BMP2K: variants seen among roughly 807,000 people sequenced by gnomAD.
BMP2K encodes the protein BMP2 inducible kinase.
A neutral mutation model predicts 116.0 loss-of-function variants in BMP2K; 74 were observed. The observed-to-expected ratio is 0.64, with a 90% CI of 0.53 to 0.77. The LOEUF (loss-of-function observed/expected upper bound fraction) is 0.77. Ranked by LOEUF, BMP2K falls within the 30% of genes least tolerant of loss-of-function variation. The probability of loss-of-function intolerance (pLI) is 0.00; values close to 1 mark genes in which losing one functional copy is unlikely to be tolerated. For missense variants in BMP2K, 1,365 were observed against 1,403.6 expected, an observed-to-expected ratio of 0.97 and a Z score of 0.44; for synonymous variants, 486 against 502.5, an observed-to-expected ratio of 0.97 and a Z score of 0.44.
intron 15 of BMP2K, among the ~76,000 whole-genome samples, chr4:78,910,369 C>T (rs1734522302): frequency 2.6e-5 from 4 of 152,130 alleles, no homozygotes; most frequent in South Asian, 2.1e-4. Flanking sequence ...AGTGAGAGTA[C>T]GATGAGGCAG....
intron 6 of BMP2K, among the ~76,000 whole-genome samples, chr4:78,848,364 A>G (rs1731105148): frequency 6.6e-6 from 1 of 151,550 alleles, no homozygotes; most frequent in African/African-American, 2.4e-5. Flanking sequence ...GACTCATTGA[A>G]TGGCTTATAG....
Position 78,859,643 on chromosome 4 carries a change from G to A in BMP2K, c.943G>A (p.Ala315Thr). The change falls in exon 8 of 16, where the codon GCA becomes ACA. Residue 315 changes from alanine (A) to threonine (T), a missense_variant. Transcript: ENST00000502613. ...TGATATATTTCAAGTGTCATATTTTGCATTTAAATTTGCCAAAAAGGATTG... is the reference window on the plus strand; with the variant it reads ...TGATATATTTCAAGTGTCATATTTTACATTTAAATTTGCCAAAAAGGATTG... ...RPDIFQVSYF[A>T]FKFAKKDCPV... 1 of 1,610,758 alleles carries A rather than the reference G, an allele frequency of 6.2e-7. No individual in the cohort carries two copies. The highest frequency in any genetic ancestry group is 1.1e-5 in the South Asian group (1 of 90,872).
chr4:78,784,667 G>C (rs986087981), intron 1 of BMP2K, among the ~76,000 whole-genome samples: 1 of 150,810 alleles, frequency 6.6e-6, no homozygotes, highest in Non-Finnish European at 1.5e-5. Flanking sequence ...GAGGCATTTT[G>C]CAGTAAGTAT....
chr4:78,837,128 C>T (rs901059920), intron 3 of BMP2K, among the ~76,000 whole-genome samples: 5 of 151,664 alleles, frequency 3.3e-5, no homozygotes, highest in Non-Finnish European at 7.4e-5. Context: ...AAGCCTTCCT[C>T]TATCTTTTAG....
At chr4:78,873,197 T>C (rs771989635) in intron 13 of BMP2K, among the ~76,000 whole-genome samples, 1 of 152,348 alleles carries the variant, frequency 6.6e-6, no homozygotes, top group African/African-American at 2.4e-5. Context: ...TCATAAAGGT[T>C]GTATAATTTA....
At chr4:78,888,227 ATTC>A (rs1425127394) in intron 15 of BMP2K, 1 of 152,166 alleles carries the variant, frequency 6.6e-6, no homozygotes, top group East Asian at 1.9e-4. Context: ...AACAGTTCCT[ATTC>A]TTGCTGTTTT....
intron 14 of BMP2K, chr4:78,879,110 A>G: frequency 7.8e-7 from 1 of 1,282,746 alleles, no homozygotes; most frequent in Non-Finnish European, 9.8e-7. Context: ...TATTGCTGAT[A>G]GTATGCTAAT....
chr4:78,778,369 C>T (rs1727346330), intron 1 of BMP2K, among the ~76,000 whole-genome samples: 1 of 152,158 alleles, frequency 6.6e-6, no homozygotes, highest in South Asian at 2.1e-4. Flanking sequence ...AAGGAGAGTT[C>T]GTTCAACCAC....
Position 78,776,473 on chromosome 4 carries a change from GC to G in BMP2K, c.-68del. ...CCAGGGGCGGCGACCCCTCGCGGACGCCCGGCTGCGCGCCGGGCCGGGGACT... is the reference window on the plus strand; with the variant it reads ...CCAGGGGCGGCGACCCCTCGCGGACGCCGGCTGCGCGCCGGGCCGGGGACT... On this transcript the variant is annotated 5_prime_UTR_variant, in exon 1 of 16. Transcript: ENST00000502613. 2 of 1,104,484 alleles carry G rather than the reference GC, an allele frequency of 1.8e-6. No homozygotes were observed. Among genetic ancestry groups the G allele is most frequent in the Non-Finnish European group, 1.1e-6 (1 of 906,606 alleles). The allele number at this position is 1,104,484 out of a possible 1,614,324, so 68.4% of individuals were successfully genotyped here.
chr4:78,878,091 G>C (rs1016681501), intron 13 of BMP2K, among the ~76,000 whole-genome samples: 1 of 152,064 alleles, frequency 6.6e-6, no homozygotes, highest in African/African-American at 2.4e-5. Flanking sequence ...CCAGACTCTA[G>C]ATACTTTAAA....
chr4:78,903,928 G>T (rs12650337), intron 15 of BMP2K, among the ~76,000 whole-genome samples: 10,484 of 151,960 alleles, frequency 0.069, 501 homozygotes, highest in East Asian at 0.22. Flanking sequence ...TTTTAAGCCA[G>T]TGTCAGCAGA....
At chr4:78,887,153 C>T (rs760529698) in intron 14 of BMP2K, 21 bp from the exon 15 acceptor site, 14 of 1,413,880 alleles carry the variant, frequency 9.9e-6, no homozygotes, top group East Asian at 2.4e-5. Flanking sequence ...TTTTTTATTT[C>T]GTTTCATCTT....
intron 15 of BMP2K, among the ~76,000 whole-genome samples, chr4:78,889,145 C>T (rs1052974450): frequency 3.5e-5 from 5 of 142,982 alleles, no homozygotes; most frequent in African/African-American, 7.9e-5. Context: ...GGCGTGAACC[C>T]GGGAGGCGGA....
chr4:78,801,620 T>C (rs912774055), intron 1 of BMP2K, among the ~76,000 whole-genome samples: 1 of 152,202 alleles, frequency 6.6e-6, no homozygotes, highest in Non-Finnish European at 1.5e-5. Context: ...TGCTTTGTTT[T>C]GGAATGCTTA....
intron 5 of BMP2K, among the ~76,000 whole-genome samples, chr4:78,845,390 A>G (rs187460241): frequency 6.6e-6 from 1 of 151,796 alleles, no homozygotes; most frequent in African/African-American, 2.4e-5. Context: ...CTTGTTAAGA[A>G]AAAGTTAAAT....
chr4:78,819,145 T>C (rs749867840), intron 1 of BMP2K, among the ~76,000 whole-genome samples: 3 of 152,178 alleles, frequency 2.0e-5, no homozygotes, highest in Non-Finnish European at 4.4e-5. Flanking sequence ...TCTTGGAATC[T>C]AGCATAATCA....
At chr4:78,890,852 A>G (rs1733395095) in intron 15 of BMP2K, among the ~76,000 whole-genome samples, 1 of 151,550 alleles carries the variant, frequency 6.6e-6, no homozygotes, top group Non-Finnish European at 1.5e-5. Context: ...TAGTAAAGCA[A>G]CTCCTCTAGT....
At chr4:78,901,656 G>A (rs1447430238) in intron 15 of BMP2K, among the ~76,000 whole-genome samples, 1 of 152,054 alleles carries the variant, frequency 6.6e-6, no homozygotes, top group African/African-American at 2.4e-5. Context: ...TCTCCCCAGG[G>A]CACTGTTTTA....
chr4:78,846,251 T>C (rs554647335), intron 5 of BMP2K, among the ~76,000 whole-genome samples: 17 of 151,684 alleles, frequency 1.1e-4, no homozygotes, highest in Non-Finnish European at 2.1e-4. Flanking sequence ...TGACAAGTAT[T>C]TATTAAGGGC....
Sources: allele counts gnomAD v4.1 joint callset (sites outside exome capture counted in the v4.1 genomes callset), GRCh38; gene constraint gnomAD v4.1.1; transcripts MANE v1.5; gene names NCBI Gene and HGNC (gene_info 2026-07-23, HGNC 2026-07-21).